ERAP2: variants seen among roughly 807,000 people sequenced by gnomAD.
ERAP2 encodes endoplasmic reticulum aminopeptidase 2.
In ERAP2, 118 loss-of-function variants were observed where a neutral mutation model predicts 111.1. The observed-to-expected ratio is 1.06, with a 90% CI of 0.92 to 1.24. The LOEUF is 1.24. ERAP2 is among the 50% of genes most tolerant of loss of function. ERAP2 has a pLI of 0.00. For synonymous variants in ERAP2, 410 were observed against 401.2 expected (o/e 1.02, Z -0.26); for missense variants, 1,131 against 1,125.8 (o/e 1.00, Z -0.07).
At position 96,883,925 on chromosome 5, in the gene ERAP2, C is replaced by T; in HGVS notation, c.709C>T (p.Pro237Ser). The change falls in exon 3 of 19, where the codon CCA becomes TCA. Residue 237 changes from proline to serine, a missense_variant. Pro to Ser is a moderately conservative substitution (Grantham distance 74). Around this residue, in one of 3 missense-constraint regions of ERAP2, gnomAD observed 847 missense variants for 856.5 expected, o/e 0.99. Transcript: ENST00000437043. Reference sequence around the variant, plus strand: ...CAGGCATATTGCACTATCCAACATGCCAAAGGTATGTCCACTTCCAGAAAC... The same window carrying T: ...CAGGCATATTGCACTATCCAACATGTCAAAGGTATGTCCACTTCCAGAAAC... Reference protein sequence around the residue: ...ESRHIALSNMPKVKTIELEGG... With the variant: ...ESRHIALSNMSKVKTIELEGG... 3.8e-6 allele frequency: 6 copies of T among 1,595,978 alleles called. No individual in the cohort carries two copies. In the South Asian group the frequency reaches 6.9e-5, roughly 18 times the overall value.
At chr5:96,909,992 G>T in intron 15 of ERAP2, 1 of 424,822 alleles carries the variant, frequency 2.4e-6, no homozygotes, top group Non-Finnish European at 4.3e-6. Flanking sequence ...CTGGCTGGAT[G>T]CAGTGGCCCA....
chr5:96,901,672 T>G lies in ERAP2; in HGVS notation c.1739T>G (p.Leu580Arg), dbSNP rs757129844. The change falls in exon 11 of 19, where the codon CTG (leucine) becomes CGG (arginine). Residue 580 changes from leucine (L) to arginine (R), a missense_variant. This residue lies in a region of ERAP2 where 847 missense variants were observed against 856.5 expected (regional missense o/e 0.99). Transcript: ENST00000437043. ...VFQEDPEWRA[L>R]QERYLWHIPL... Reference sequence around the variant, plus strand: ...CAGGAAGACCCTGAATGGAGGGCCCTGCAGGAGAGGTGGCTGCTTTTCTTC... The same window carrying G: ...CAGGAAGACCCTGAATGGAGGGCCCGGCAGGAGAGGTGGCTGCTTTTCTTC... 1.2e-6 allele frequency: 2 copies of G among 1,613,618 alleles called. No homozygotes were observed. The highest frequency in any genetic ancestry group is 1.7e-6 in the Non-Finnish European group (2 of 1,179,846).
At chr5:96,906,811 C>A (rs548002664) in intron 13 of ERAP2, among the ~76,000 whole-genome samples, 23 of 152,318 alleles carry the variant, frequency 1.5e-4, no homozygotes, top group African/African-American at 5.5e-4. Flanking sequence ...GCGGGTGGAT[C>A]ACCTGAGGTC....
intron 10 of ERAP2, among the ~76,000 whole-genome samples, chr5:96,901,217 G>T (rs982212414): frequency 3.9e-5 from 6 of 151,982 alleles, no homozygotes; most frequent in African/African-American, 1.5e-4. Flanking sequence ...TTTTTGAAAG[G>T]GGTCAGGAAA....
chr5:96,906,452 G>A (rs1643313198), intron 13 of ERAP2, among the ~76,000 whole-genome samples: 1 of 152,106 alleles, frequency 6.6e-6, no homozygotes, highest in African/African-American at 2.4e-5. Flanking sequence ...TTTTTTGGCA[G>A]AGATGGCGTC....
At position 96,895,338 on chromosome 5, in the gene ERAP2, T is replaced by G. The variant is rs1784772494; in HGVS notation, c.1218T>G (p.Ala406=). Residue 406 remains alanine, a synonymous_variant, in exon 7 of 19, where the codon GCT becomes GCG. Transcript: ENST00000437043. ...AKYMELIAVN[A]TYPELQFDDY... is the part of the protein sequence containing the mutation. Reference sequence around the variant, plus strand: ...ACATGGAACTTATCGCTGTTAATGCTACATATCCAGAGCTGCAATTTGTAA... The same window carrying G: ...ACATGGAACTTATCGCTGTTAATGCGACATATCCAGAGCTGCAATTTGTAA... 2 of 1,610,108 alleles carry G rather than the reference T, an allele frequency of 1.2e-6. No homozygotes were observed. The highest frequency in any genetic ancestry group is 2.7e-5 in the African/African-American group (2 of 74,802).
intron 5 of ERAP2, among the ~76,000 whole-genome samples, chr5:96,892,086 A>G (rs1784444667): frequency 2.0e-5 from 3 of 152,214 alleles, no homozygotes; most frequent in Non-Finnish European, 4.4e-5. Flanking sequence ...CTTCATCTAC[A>G]AAACTCTTTG....
At chr5:96,901,130 G>C (rs768032168) in intron 10 of ERAP2, among the ~76,000 whole-genome samples, 1 of 152,022 alleles carries the variant, frequency 6.6e-6, no homozygotes, top group Non-Finnish European at 1.5e-5. Flanking sequence ...TATTTCCCTC[G>C]TAAACCACCC....
In ERAP2 at chr5:96,880,245, T is replaced by G. The variant is rs1239861245; in HGVS notation, c.560T>G (p.Leu187Arg). The G allele has an allele frequency of 1.9e-6, 3 of 1,609,674 alleles. No individual in the cohort carries two copies. Among genetic ancestry groups the G allele is most frequent in the Non-Finnish European group, 2.5e-6 (3 of 1,177,664 alleles). Residue 187 changes from leucine (L) to arginine (R), a missense_variant, in exon 2 of 19, where the codon CTT (leucine) becomes CGT (arginine). By Grantham distance (102) the Leu-to-Arg change is moderately radical. Around this residue, in one of 3 missense-constraint regions of ERAP2, gnomAD observed 847 missense variants for 856.5 expected, o/e 0.99. Transcript: ENST00000437043. ...EGFYKSTYRTLGGETRILAVT... is the reference protein window; with the variant it reads ...EGFYKSTYRTRGGETRILAVT... The stretch of plus-strand genomic sequence containing the variant: ...TTTTATAAAAGCACATACAGAACTC[T>G]TGGTGGTGAAACAAGGTAAGAACTT...
At position 96,900,143 on chromosome 5, in the gene ERAP2, C is replaced by T; in HGVS notation, c.1526C>T (p.Thr509Ile). 1 of 1,613,836 alleles carries T rather than the reference C, an allele frequency of 6.2e-7. No homozygotes were observed. The highest frequency in any genetic ancestry group is 1.3e-5 in the African/African-American group (1 of 75,016). ...TAGAGTTGTTTAGAAAGTGATTTTACATCTGGTGGAGTTTGTCATTCGGAT... is the reference window on the plus strand; with the variant it reads ...TAGAGTTGTTTAGAAAGTGATTTTATATCTGGTGGAGTTTGTCATTCGGAT... ...LSNSCLESDF[T>I]SGGVCHSDPK... The change falls in exon 10 of 19, where the codon ACA becomes ATA. Residue 509 changes from threonine to isoleucine, a missense_variant. Thr to Ile is a moderately conservative substitution (Grantham distance 89). Around this residue, in one of 3 missense-constraint regions of ERAP2, gnomAD observed 847 missense variants for 856.5 expected, o/e 0.99. Coordinates refer to ENST00000437043, the MANE Select transcript of ERAP2 (RefSeq NM_022350.5).
At chr5:96,900,359 G>T in intron 10 of ERAP2, 170 bp downstream of exon 10, 1 of 1,036,700 alleles carries the variant, frequency 9.6e-7, no homozygotes, top group East Asian at 2.6e-5. Context: ...GGGTATTTAG[G>T]GGGACAATGC....
At chr5:96,885,760 T>C (rs1377513613) in intron 3 of ERAP2, among the ~76,000 whole-genome samples, 1 of 152,210 alleles carries the variant, frequency 6.6e-6, no homozygotes, top group African/African-American at 2.4e-5. Flanking sequence ...TTTCAGATTA[T>C]TGGATCTGTA....
At chr5:96,885,663 C>T (rs1783642940) in intron 3 of ERAP2, among the ~76,000 whole-genome samples, 1 of 152,252 alleles carries the variant, frequency 6.6e-6, no homozygotes, top group African/African-American at 2.4e-5. Context: ...CAGTCAGCAT[C>T]ATCACAAGCC....
At chr5:96,897,011 C>T in intron 9 of ERAP2, 148 bp downstream of exon 9, 1 of 247,264 alleles carries the variant, frequency 4.0e-6, no homozygotes, top group African/African-American at 4.5e-5. Context: ...GGCAGCACTT[C>T]CCTTTTTCCT....
chr5:96,879,469 T>C (rs1268570082), intron 1 of ERAP2, 95 bp from the exon 2 acceptor site: 24 of 477,530 alleles, frequency 5.0e-5, no homozygotes, highest in Non-Finnish European at 3.0e-5. Context: ...AGAGCAGATT[T>C]TCCCTTACTC....
At position 96,903,416 on chromosome 5, in the gene ERAP2, T is replaced by A; in HGVS notation, c.1868T>A (p.Phe623Tyr). The A allele has an allele frequency of 6.2e-7, 1 of 1,613,668 alleles. No individual in the cohort carries two copies. The change falls in exon 13 of 19, where the codon TTT becomes TAT. Residue 623 changes from phenylalanine to tyrosine, a missense_variant. Coordinates refer to ENST00000437043, the MANE Select transcript of ERAP2 (RefSeq NM_022350.5). Reference sequence around the variant, plus strand: ...CCTGAAAAGACCAGTTGGGTGAAATTTAATGTGGACTCAAATGGTTACTAC... The same window carrying A: ...CCTGAAAAGACCAGTTGGGTGAAATATAATGTGGACTCAAATGGTTACTAC... ...DLPEKTSWVKFNVDSNGYYIV... is the reference protein window; with the variant it reads ...DLPEKTSWVKYNVDSNGYYIV...
chr5:96,914,753 G>A (rs2548522), intron 17 of ERAP2, among the ~76,000 whole-genome samples: 75,999 of 151,934 alleles, frequency 0.5, 19,199 homozygotes, highest in Admixed American at 0.57. Flanking sequence ...GGCCGTGAAT[G>A]AGAGTTCAAC....
chr5:96,894,629 T>G (rs1406797581), intron 6 of ERAP2, among the ~76,000 whole-genome samples: 2 of 152,196 alleles, frequency 1.3e-5, no homozygotes, highest in African/African-American at 4.8e-5. Context: ...TCAATTATAT[T>G]TATGCATCCT....
rs1488714048 is a variant in ERAP2, at chr5:96,887,094, TATATATACAC to T, written c.849+307_849+316del. 1.5e-3 allele frequency among the ~76,000 whole-genome samples: 168 copies of T among 115,564 alleles called. 1 individual carries two copies. Among genetic ancestry groups the T allele is most frequent in the African/African-American group, 5.5e-3 (163 of 29,660 alleles). 75.8% of individuals were successfully genotyped at this position (115,564 alleles called of 152,430 possible). On this transcript the variant is annotated intron_variant, in intron 4 of 18. Coordinates refer to ENST00000437043, the MANE Select transcript of ERAP2 (RefSeq NM_022350.5). ...CAAAGTATATATATATATATATATA[TATATATACAC>T]ACACACACACACACACACACACATA...
Sources: gnomAD v4.1 joint callset for allele counts (sites outside exome capture counted in the v4.1 genomes callset) on GRCh38, gnomAD v4.1.1 for gene constraint, gnomAD v4.1.1 regional missense constraint, MANE v1.5 for transcripts, NCBI Gene and HGNC (gene_info 2026-07-23, HGNC 2026-07-21) for gene names.